The following SMAGP variants were observed in gnomAD, a reference collection of about 807,000 sequenced individuals.
The protein encoded by SMAGP is small cell transmembrane and glycosylated protein.
SMAGP carries 7 observed loss-of-function variants against 10.1 expected under a neutral mutation model. The observed-to-expected ratio is 0.70, with a 90% CI of 0.40 to 1.31. The LOEUF (loss-of-function observed/expected upper bound fraction) is 1.31, where lower values mean the gene tolerates loss of function less well. SMAGP is among the 50% of genes most tolerant of loss of function. SMAGP has a pLI of 0.01. For synonymous variants in SMAGP, 49 were observed against 47.2 expected (o/e 1.04, Z -0.16); for missense variants, 113 against 116.5 (o/e 0.97, Z 0.14).
chr12:51,248,434 A>ACACACACACACACACACTCTCACTCTCT (rs1188710796), intron 2 of SMAGP, among the ~76,000 whole-genome samples: 2 of 77,468 alleles, frequency 2.6e-5, no homozygotes, highest in African/African-American at 1.0e-4. Flanking sequence ...ACACACACAC[A>ACACACACACACACACACTCTCACTCTCT]CTCTCTCTCT....
chr12:51,256,574 A>G (rs1944886027), intron 2 of SMAGP, among the ~76,000 whole-genome samples: 1 of 152,094 alleles, frequency 6.6e-6, no homozygotes, highest in Non-Finnish European at 1.5e-5. Context: ...ATACAAAATT[A>G]GCCGGGGTGG....
rs56916271 is a variant in SMAGP at position 51,257,552 on chromosome 12, A to ATT, written c.35-10723_35-10722dup. Among the ~76,000 whole-genome samples, 810 of 145,638 alleles carry ATT rather than the reference A, an allele frequency of 5.6e-3. 29 individuals are homozygous for ATT. The East Asian group carries it at 0.11, about 19-fold the overall frequency. On this transcript the variant is annotated intron_variant, in intron 2 of 3. Transcript: ENST00000603798. ...GCAACATAGTGAGACCTTTGTATACATTTTTTTTTTTTGAGACAGTCTTGC... is the reference window on the plus strand; with the variant it reads ...GCAACATAGTGAGACCTTTGTATACATTTTTTTTTTTTTTGAGACAGTCTTGC...
Position 51,246,851 on chromosome 12 carries a change from G to T in SMAGP, c.35-20C>A. The T allele has an allele frequency of 6.5e-7, 1 of 1,528,782 alleles. No individual in the cohort carries two copies. Among genetic ancestry groups the T allele is most frequent in the East Asian group, 2.5e-5 (1 of 40,784 alleles). The allele number at this position is 1,528,782 out of a possible 1,614,324, so 94.7% of individuals were successfully genotyped here. ...GTTCTTCTGGAAAATGTAGAAAAGT[G>T]GAAAAGGAAATGGAGTGAATTCTTT... On this transcript the variant is annotated intron_variant, in intron 2 of 3. Transcript: ENST00000603798.
chr12:51,245,002 T>C lies in SMAGP; in HGVS notation c.*939A>G, dbSNP rs1944747666. The C allele has an allele frequency of 6.6e-6, 1 of 151,988 alleles. No individual in the cohort carries two copies. The highest frequency in any genetic ancestry group is 1.5e-5 in the Non-Finnish European group (1 of 68,072). The allele number at this position is 151,988 out of a possible 1,614,324, so 9.4% of individuals were successfully genotyped here. On this transcript the variant is annotated 3_prime_UTR_variant, in exon 4 of 4. Transcript: ENST00000603798. ...ACCACGCCCAGCTATTTTTTTTATA[T>C]ATTTTTAGTAGAGACGGGGTTTCAC...
intron 2 of SMAGP, among the ~76,000 whole-genome samples, chr12:51,261,058 G>C (rs1944928069): frequency 2.0e-5 from 3 of 148,220 alleles, no homozygotes; most frequent in Non-Finnish European, 4.5e-5. Flanking sequence ...CAAAGTGCTA[G>C]AATTACAGGT....
Position 51,245,984 on chromosome 12 carries a change from C to T in SMAGP, c.251G>A (p.Ser84Asn). ...TTTCTCGCTGCCCTTGGCCAAGTCA[C>T]TCTCCATCTGGACGATGGCACTGGG... The part of the protein sequence containing the change: ...GEPSAIVQME[S>N]DLAKGSEKEE... Residue 84 changes from serine (S) to asparagine (N), a missense_variant, in exon 4 of 4, where the codon AGT becomes AAT. Physicochemically the swap from Ser to Asn is conservative, Grantham distance 46 (BLOSUM62 1). Coordinates refer to ENST00000603798, the MANE Select transcript of SMAGP (RefSeq NM_001031628.2). The T allele has an allele frequency of 1.9e-6, 3 of 1,613,916 alleles. No individual in the cohort carries two copies. The highest frequency in any genetic ancestry group is 8.5e-7 in the Non-Finnish European group (1 of 1,179,816).
intron 2 of SMAGP, among the ~76,000 whole-genome samples, chr12:51,267,464 A>AT (rs1400187660): frequency 8.0e-6 from 1 of 125,576 alleles, no homozygotes; most frequent in African/African-American, 3.1e-5. Flanking sequence ...TTGCTGACCT[A>AT]TTCCCCCCCC....
chr12:51,265,185 A>C (rs1944963983), intron 2 of SMAGP, among the ~76,000 whole-genome samples: 1 of 152,176 alleles, frequency 6.6e-6, no homozygotes, highest in Non-Finnish European at 1.5e-5. Context: ...CTTCACACAC[A>C]ATATGATGAC....
At chr12:51,248,176 C>G (rs1389684475) in intron 2 of SMAGP, among the ~76,000 whole-genome samples, 2 of 152,086 alleles carry the variant, frequency 1.3e-5, no homozygotes, top group Non-Finnish European at 2.9e-5. Context: ...GTCTGGTGGG[C>G]CTATGCTAAG....
intron 2 of SMAGP, among the ~76,000 whole-genome samples, chr12:51,254,984 G>A (rs1944873045): frequency 6.6e-6 from 1 of 152,170 alleles, no homozygotes; most frequent in Admixed American, 6.5e-5. Context: ...AGTGAGGTGG[G>A]AAGCTTTTAC....
intron 2 of SMAGP, among the ~76,000 whole-genome samples, chr12:51,248,440 TCTCTCTCTCTC>T (rs1565656634): frequency 1.1e-4 from 4 of 37,742 alleles, no homozygotes; most frequent in Non-Finnish European, 1.7e-4. Flanking sequence ...ACACACTCTC[TCTCTCTCTCTC>T]TCTCTCTCTC....
Position 51,247,017 on chromosome 12 carries a change from C to T in SMAGP, c.35-186G>A, listed in dbSNP as rs531138487. Among the ~76,000 whole-genome samples the T allele has an allele frequency of 2.0e-4, 31 of 152,224 alleles. 1 individual carries two copies. The South Asian group carries it at 6.4e-3, about 32-fold the overall frequency. ...AAGAAAATAAACCACCACCCAAAGA[C>T]AATATGTTGATGGATTTCTCCCTGC... On this transcript the variant is annotated intron_variant, in intron 2 of 3. Coordinates refer to ENST00000603798, the MANE Select transcript of SMAGP (RefSeq NM_001031628.2).
chr12:51,267,496 CT>C (rs5798165), intron 2 of SMAGP, among the ~76,000 whole-genome samples: 59,112 of 93,350 alleles, frequency 0.63, 21,518 homozygotes, highest in Non-Finnish European at 0.83. Context: ...CCCCCTAACT[CT>C]TTTTTTTTTT....
chr12:51,262,071 T>C (rs1944937023), intron 2 of SMAGP, among the ~76,000 whole-genome samples: 1 of 151,758 alleles, frequency 6.6e-6, no homozygotes, highest in African/African-American at 2.4e-5. Context: ...GACCCCTGTC[T>C]CTCTGTGTAT....
At chr12:51,260,670 G>T (rs1218683914) in intron 2 of SMAGP, among the ~76,000 whole-genome samples, 1 of 141,756 alleles carries the variant, frequency 7.1e-6, no homozygotes, top group African/African-American at 2.7e-5. Context: ...GAGCCACCGC[G>T]CCCGGCCAAT....
rs747673708 is a variant in SMAGP, at chr12:51,246,124, G to T, written c.116-5C>A. On this transcript the variant is annotated splice_polypyrimidine_tract_variant and splice_region_variant and intron_variant, in intron 3 of 3. Coordinates refer to ENST00000603798, the MANE Select transcript of SMAGP (RefSeq NM_001031628.2). ...GGAAGACAACGGTGATAACAACTTGGAAAGGAGAGGGAAAATGTAGAGATG... is the reference window on the plus strand; with the variant it reads ...GGAAGACAACGGTGATAACAACTTGTAAAGGAGAGGGAAAATGTAGAGATG... 1.9e-6 allele frequency: 3 copies of T among 1,613,680 alleles called. No homozygotes were observed. Among genetic ancestry groups the T allele is most frequent in the Non-Finnish European group, 2.5e-6 (3 of 1,179,684 alleles).
At chr12:51,263,298 G>A (rs1284904287) in intron 2 of SMAGP, among the ~76,000 whole-genome samples, 1 of 151,612 alleles carries the variant, frequency 6.6e-6, no homozygotes, top group African/African-American at 2.4e-5. Context: ...CAGGAAAATT[G>A]CTTGAACCCG....
chr12:51,260,786 A>G (rs12811622), intron 2 of SMAGP, among the ~76,000 whole-genome samples: 4 of 138,474 alleles, frequency 2.9e-5, no homozygotes, highest in South Asian at 2.3e-4. Context: ...CCTGGGTTCA[A>G]GCGATTCTCC....
rs1486377703 is a variant in SMAGP at position 51,251,800 on chromosome 12, T to C, written c.35-4969A>G. 3.3e-5 allele frequency among the ~76,000 whole-genome samples: 5 copies of C among 152,136 alleles called. No individual in the cohort carries two copies. The East Asian group carries it at 5.8e-4, about 18-fold the overall frequency. On this transcript the variant is annotated intron_variant, in intron 2 of 3. Coordinates refer to ENST00000603798, the MANE Select transcript of SMAGP (RefSeq NM_001031628.2). ...TTATTTTCAGTTATCTATTCTTTAA[T>C]TTTTTTAAATTGAGCAGCCCCTAGA... is the stretch of plus-strand genomic sequence containing the variant.
Sources: gnomAD v4.1 joint callset for allele counts (sites outside exome capture counted in the v4.1 genomes callset) on GRCh38, gnomAD v4.1.1 for gene constraint, MANE v1.5 for transcripts, NCBI Gene and HGNC (gene_info 2026-07-23, HGNC 2026-07-21) for gene names.